Variants in GPRC5A observed in about 807,000 individuals in gnomAD.
The protein encoded by GPRC5A is retinoic acid-induced protein 3.
A neutral mutation model predicts 22.5 loss-of-function variants in GPRC5A; 19 were observed. That is an observed-to-expected ratio of 0.85 (90% CI 0.59 to 1.24). The LOEUF is 1.24. Ranked by LOEUF, GPRC5A falls within the 50% of genes most tolerant of loss-of-function variation. GPRC5A has a pLI of 0.00. For missense variants in GPRC5A, 471 were observed against 451.1 expected (o/e 1.04, Z -0.40); for synonymous variants, 192 against 184.5 (o/e 1.04, Z -0.33).
At chr12:12,894,976 C>T (rs1048161200) in intron 1 of GPRC5A, among the ~76,000 whole-genome samples, 2 of 151,828 alleles carry the variant, frequency 1.3e-5, no homozygotes, top group African/African-American at 4.8e-5. Flanking sequence ...GACAGGGTTT[C>T]ACCGTGTTAG....
intron 1 of GPRC5A, among the ~76,000 whole-genome samples, chr12:12,900,818 A>G (rs149163719): frequency 0.028 from 3,893 of 137,674 alleles, 73 homozygotes; most frequent in Middle Eastern, 0.063. Context: ...TGAACCTGGG[A>G]GATGGTGGTT....
At chr12:12,892,607 T>C (rs1863774535) in intron 1 of GPRC5A, among the ~76,000 whole-genome samples, 1 of 152,126 alleles carries the variant, frequency 6.6e-6, no homozygotes, top group South Asian at 2.1e-4. Flanking sequence ...CCTAAGGTGA[T>C]CTGCCCGCCT....
At chr12:12,910,340 C>T (rs750295439) in intron 2 of GPRC5A, among the ~76,000 whole-genome samples, 3 of 152,164 alleles carry the variant, frequency 2.0e-5, no homozygotes, top group African/African-American at 4.8e-5. Flanking sequence ...CCCTCCTGTC[C>T]GTTCCGTGGC....
Position 12,915,684 on chromosome 12 carries a change from G to A in GPRC5A, c.*3145G>A, listed in dbSNP as rs1320150691. The A allele has an allele frequency of 1.4e-5, 3 of 221,872 alleles. No individual in the cohort carries two copies. Among genetic ancestry groups the A allele is most frequent in the Admixed American group, 5.6e-5 (1 of 17,768 alleles). 13.7% of individuals were successfully genotyped at this position (221,872 alleles called of 1,614,324 possible). On this transcript the variant is annotated 3_prime_UTR_variant, in exon 4 of 4. Coordinates refer to ENST00000014914, the MANE Select transcript of GPRC5A (RefSeq NM_003979.4). ...TTTTTGTATTTTTAGTAGAGACAGG[G>A]TTTCACTATATGGGCCAGGCAGATC...
chr12:12,893,759 T>C (rs1049544661), intron 1 of GPRC5A, among the ~76,000 whole-genome samples: 1 of 152,186 alleles, frequency 6.6e-6, no homozygotes, highest in African/African-American at 2.4e-5. Flanking sequence ...GTTTTGTTTT[T>C]GTTTTCGTTT....
At chr12:12,899,351 T>C (rs1010347916) in intron 1 of GPRC5A, among the ~76,000 whole-genome samples, 22 of 152,164 alleles carry the variant, frequency 1.4e-4, no homozygotes, top group African/African-American at 4.6e-4. Flanking sequence ...GGTTGCTTGT[T>C]TTGGAGACTT....
intron 1 of GPRC5A, among the ~76,000 whole-genome samples, chr12:12,895,756 T>G (rs1371226473): frequency 7.1e-6 from 1 of 141,678 alleles, no homozygotes; most frequent in African/African-American, 2.6e-5. Flanking sequence ...GGCGGGCAGA[T>G]CACGAGGTCA....
Position 12,908,683 on chromosome 12 carries a change from A to G in GPRC5A, c.434A>G (p.Gln145Arg), listed in dbSNP as rs1384918465. ...LGLAVGFSLVQDVIAIEYIVL... is the reference protein window; with the variant it reads ...LGLAVGFSLVRDVIAIEYIVL... ...CTGGCCGTGGGCTTCAGCCTAGTCC[A>G]GGATGTTATCGCTATTGAATATATT... Residue 145 changes from glutamine to arginine, a missense_variant, in exon 2 of 4, where the codon CAG becomes CGG. Gln to Arg is a conservative substitution (Grantham distance 43). Transcript: ENST00000014914. The G allele has an allele frequency of 1.9e-6, 3 of 1,613,982 alleles. No individual in the cohort carries two copies. The Admixed American group carries it at 5.0e-5, about 27-fold the overall frequency.
intron 1 of GPRC5A, among the ~76,000 whole-genome samples, chr12:12,898,791 C>G (rs1008369431): frequency 6.6e-6 from 1 of 152,194 alleles, no homozygotes; most frequent in Non-Finnish European, 1.5e-5. Context: ...AGCCCTGTCT[C>G]TTCTACCTTC....
chr12:12,902,126 C>A (rs999602999), intron 1 of GPRC5A, among the ~76,000 whole-genome samples: 3 of 152,160 alleles, frequency 2.0e-5, no homozygotes, highest in Non-Finnish European at 4.4e-5. Flanking sequence ...CTGGGTCATT[C>A]TCTGGGCAAC....
Position 12,916,018 on chromosome 12 carries a change from G to A in GPRC5A, c.*3479G>A, listed in dbSNP as rs577052862. The A allele has an allele frequency of 7.8e-5, 22 of 281,152 alleles. No individual in the cohort carries two copies. Among genetic ancestry groups the A allele is most frequent in the Non-Finnish European group, 1.7e-4 (21 of 127,244 alleles). The allele number at this position is 281,152 out of a possible 1,614,324, so 17.4% of individuals were successfully genotyped here. A position where few individuals can be genotyped will look rare whatever the true frequency, so the allele number is the denominator to read the frequency against. ...GCACATAAATAAGCTATTTTTAAAAGTTATTATTTTTTTACTCTTTCTTTT... is the reference window on the plus strand; with the variant it reads ...GCACATAAATAAGCTATTTTTAAAAATTATTATTTTTTTACTCTTTCTTTT... On this transcript the variant is annotated 3_prime_UTR_variant, in exon 4 of 4. Coordinates refer to ENST00000014914, the MANE Select transcript of GPRC5A (RefSeq NM_003979.4).
At chr12:12,904,950 A>G (rs1478257091) in intron 1 of GPRC5A, among the ~76,000 whole-genome samples, 1 of 144,552 alleles carries the variant, frequency 6.9e-6, no homozygotes, top group African/African-American at 2.6e-5. Context: ...CAGTGGCATG[A>G]TCCCCGCTCA....
chr12:12,897,203 G>A (rs1361869731), intron 1 of GPRC5A, among the ~76,000 whole-genome samples: 1 of 136,046 alleles, frequency 7.4e-6, no homozygotes, highest in Non-Finnish European at 1.5e-5. Context: ...CTCCCAGGCT[G>A]GAGTACAGAG....
intron 1 of GPRC5A, among the ~76,000 whole-genome samples, chr12:12,899,283 C>T (rs1273043093): frequency 6.6e-6 from 1 of 152,176 alleles, no homozygotes; most frequent in Non-Finnish European, 1.5e-5. Context: ...GTGGTCCTCC[C>T]ATCTCTCGGC....
intron 1 of GPRC5A, among the ~76,000 whole-genome samples, chr12:12,900,671 G>GTGGAT (rs1863873293): frequency 6.6e-6 from 1 of 151,928 alleles, no homozygotes; most frequent in Non-Finnish European, 1.5e-5. Flanking sequence ...GCCGAGGCGG[G>GTGGAT]CCTGAGGTCG....
At position 12,905,348 on chromosome 12, in the gene GPRC5A, G is replaced by A. The variant is rs1340745788; in HGVS notation, c.-7-2895G>A. Reference sequence around the variant, plus strand: ...TTAGGGCTGGAGGTGACCTCTGCGAGCCTTCCCTTCCTCTAACTCTGGCCT... The same window carrying A: ...TTAGGGCTGGAGGTGACCTCTGCGAACCTTCCCTTCCTCTAACTCTGGCCT... On this transcript the variant is annotated intron_variant, in intron 1 of 3. Transcript: ENST00000014914. Among the ~76,000 whole-genome samples, 5 of 152,216 alleles carry A rather than the reference G, an allele frequency of 3.3e-5. No individual in the cohort carries two copies. In the South Asian group the frequency reaches 6.2e-4, roughly 19 times the overall value.
chr12:12,898,303 C>T (rs926770778), intron 1 of GPRC5A, among the ~76,000 whole-genome samples: 20 of 152,260 alleles, frequency 1.3e-4, no homozygotes, highest in South Asian at 4.1e-4. Flanking sequence ...GAGGCCGAGG[C>T]GGGCAGATCA....
intron 1 of GPRC5A, among the ~76,000 whole-genome samples, chr12:12,904,501 C>T (rs372197645): frequency 6.6e-5 from 10 of 152,056 alleles, no homozygotes; most frequent in Admixed American, 3.3e-4. Context: ...AGGTGCCATC[C>T]GTCTCTCTCT....
intron 1 of GPRC5A, among the ~76,000 whole-genome samples, chr12:12,902,400 A>G (rs1048519561): frequency 1.3e-5 from 2 of 151,728 alleles, no homozygotes; most frequent in African/African-American, 4.8e-5. Flanking sequence ...AATCCTAACT[A>G]GATAGTTGAT....
Sources: allele counts gnomAD v4.1 joint callset (sites outside exome capture counted in the v4.1 genomes callset), GRCh38; gene constraint gnomAD v4.1.1; transcripts MANE v1.5; gene names NCBI Gene and HGNC (gene_info 2026-07-23, HGNC 2026-07-21).